CD8B2: variants seen among roughly 807,000 people sequenced by gnomAD.
CD8B2 encodes the protein T-cell surface glycoprotein CD8 beta-2 chain.
CD8B2 carries 11 observed loss-of-function variants against 23.7 expected under a neutral mutation model. The observed-to-expected ratio is 0.46, with a 90% confidence interval of 0.29 to 0.77. The LOEUF is 0.77. Ranked by LOEUF, CD8B2 falls within the 30% of genes least tolerant of loss-of-function variation. The pLI, the probability that CD8B2 is intolerant of heterozygous loss-of-function variation, is 0.09. For missense variants in CD8B2, 197 were observed against 270.5 expected, an observed-to-expected ratio of 0.73 and a Z score of 1.91; for synonymous variants, 90 against 109.3, an observed-to-expected ratio of 0.82 and a Z score of 1.10.
chr2:106,525,540 T>A (rs78995851), intron 5 of CD8B2, among the ~76,000 whole-genome samples: 3,160 of 152,318 alleles, frequency 0.021, 86 homozygotes, highest in African/African-American at 0.071. Context: ...AGTGATAGAC[T>A]GTGCAGCCAT....
At chr2:106,513,623 C>A (rs1227167201), downstream of CD8B2, among the ~76,000 whole-genome samples, 3 of 151,396 alleles carry the variant, frequency 2.0e-5, no homozygotes, top group Non-Finnish European at 4.4e-5. Flanking sequence ...CCCCAGCACC[C>A]CTTCAGCATC....
At chr2:106,519,189 T>C (rs1679780057) in intron 5 of CD8B2, among the ~76,000 whole-genome samples, 1 of 152,232 alleles carries the variant, frequency 6.6e-6, no homozygotes, top group Non-Finnish European at 1.5e-5. Flanking sequence ...TGTGACCTGA[T>C]TGCTGGACTC....
intron 5 of CD8B2, among the ~76,000 whole-genome samples, chr2:106,505,489 G>T (rs1300792306): frequency 6.6e-6 from 1 of 152,120 alleles, no homozygotes; most frequent in African/African-American, 2.4e-5. Context: ...GCTCACTGGG[G>T]TATTATCCTT....
intron 3 of CD8B2, among the ~76,000 whole-genome samples, chr2:106,496,564 C>T (rs1679304221): frequency 6.6e-6 from 1 of 152,216 alleles, no homozygotes; most frequent in Non-Finnish European, 1.5e-5. Context: ...CCCAAACATC[C>T]ACCAGCTAAT....
chr2:106,531,083 CT>C (rs1165756584), intron 5 of CD8B2, among the ~76,000 whole-genome samples: 4 of 152,214 alleles, frequency 2.6e-5, no homozygotes, highest in African/African-American at 9.6e-5. Context: ...CTTTACCCTA[CT>C]GACTCACCCT....
At chr2:106,495,474 G>T (rs1489489643) in intron 2 of CD8B2, among the ~76,000 whole-genome samples, 2 of 152,174 alleles carry the variant, frequency 1.3e-5, no homozygotes, top group African/African-American at 4.8e-5. Flanking sequence ...GGGAGGCAAA[G>T]GTTGCAGTGA....
intron 5 of CD8B2, among the ~76,000 whole-genome samples, chr2:106,523,801 C>G (rs769262942): frequency 1.3e-5 from 2 of 152,102 alleles, no homozygotes; most frequent in African/African-American, 4.8e-5. Context: ...CAGGAAGAGA[C>G]GTAGCTGCAA....
chr2:106,491,737 C>T (rs1388874743), intron 2 of CD8B2, among the ~76,000 whole-genome samples: 1 of 151,910 alleles, frequency 6.6e-6, no homozygotes, highest in Non-Finnish European at 1.5e-5. Flanking sequence ...TTAGTGGAGA[C>T]GAGATTTCAC....
At chr2:106,488,322 G>A (rs1193978259) in intron 1 of CD8B2, among the ~76,000 whole-genome samples, 2 of 151,288 alleles carry the variant, frequency 1.3e-5, no homozygotes, top group Non-Finnish European at 1.5e-5. Flanking sequence ...CTCTGAGAAT[G>A]GAATTCCTGG....
At chr2:106,502,870 T>C (rs1330238220) in intron 4 of CD8B2, among the ~76,000 whole-genome samples, 1 of 151,298 alleles carries the variant, frequency 6.6e-6, no homozygotes, top group Non-Finnish European at 1.5e-5. Flanking sequence ...CCTCCCAGAG[T>C]TGCTGTTTGT....
chr2:106,531,569 G>C (rs565196762), intron 5 of CD8B2, among the ~76,000 whole-genome samples: 157 of 152,270 alleles, frequency 1.0e-3, no homozygotes, highest in African/African-American at 3.5e-3. Context: ...TGCAGGCTGA[G>C]TCCCTAGGGC....
rs939450099 is a variant in CD8B2, at chr2:106,510,573, T to G, written c.*3633T>G. The G allele has an allele frequency of 1.3e-5, 2 of 151,908 alleles. No homozygotes were observed. Among genetic ancestry groups the G allele is most frequent in the East Asian group, 1.9e-4 (1 of 5,164 alleles). 9.4% of individuals were successfully genotyped at this position (151,908 alleles called of 1,614,324 possible). ...GCAAGACCTCGACTCTACAAAAAAT[T>G]TTTAAATTTTTTTCTGGGCATGGTG... On this transcript the variant is annotated 3_prime_UTR_variant, in exon 6 of 6. Transcript: ENST00000643224.
rs1679525035 is a variant in CD8B2 at position 106,507,123 on chromosome 2, G to C, written c.*183G>C. 5 of 1,474,060 alleles carry C rather than the reference G, an allele frequency of 3.4e-6. No individual in the cohort carries two copies. In the East Asian group the frequency reaches 7.2e-5, roughly 21 times the overall value. 91.3% of individuals were successfully genotyped at this position (1,474,060 alleles called of 1,614,324 possible). A position where few individuals can be genotyped will look rare whatever the true frequency, so the allele number is the denominator to read the frequency against. On this transcript the variant is annotated 3_prime_UTR_variant, in exon 6 of 6. Coordinates refer to ENST00000643224, the MANE Select transcript of CD8B2 (RefSeq NM_001349727.2). Reference sequence around the variant, plus strand: ...CGTGCATGGGAGCAACTTGTTTGTGGGTCATCGGGAATACTAGGGAGAAGG... The same window carrying C: ...CGTGCATGGGAGCAACTTGTTTGTGCGTCATCGGGAATACTAGGGAGAAGG...
rs1679456158 is a variant in CD8B2 at position 106,503,716 on chromosome 2, T to A, written c.584-573T>A. 2.6e-5 allele frequency among the ~76,000 whole-genome samples: 3 copies of A among 117,516 alleles called. No homozygotes were observed. In the Admixed American group the frequency reaches 2.7e-4, roughly 11 times the overall value. The allele number at this position is 117,516 out of a possible 152,430, so 77.1% of individuals were successfully genotyped here. A position where few individuals can be genotyped will look rare whatever the true frequency, so the allele number is the denominator to read the frequency against. On this transcript the variant is annotated intron_variant, in intron 4 of 5. Coordinates refer to ENST00000643224, the MANE Select transcript of CD8B2 (RefSeq NM_001349727.2). ...TGAGAGGCTGAGGAGGGAGGATCAC[T>A]TGAGCCCAGGAGTTCAAGTCTAGCC...
In CD8B2 at chr2:106,508,497, A is replaced by G. The variant is rs1464446689; in HGVS notation, c.*1557A>G. On this transcript the variant is annotated 3_prime_UTR_variant, in exon 6 of 6. Coordinates refer to ENST00000643224, the MANE Select transcript of CD8B2 (RefSeq NM_001349727.2). ...GGAGGGCCTTGAGTGTAAGTTGTCC[A>G]GGTCCTTGGCATTTTGAACAAAGAA... 2 of 152,136 alleles carry G rather than the reference A, an allele frequency of 1.3e-5. No individual in the cohort carries two copies. The highest frequency in any genetic ancestry group is 2.4e-5 in the African/African-American group (1 of 41,416). The allele number at this position is 152,136 out of a possible 1,614,324, so 9.4% of individuals were successfully genotyped here. A position where few individuals can be genotyped will look rare whatever the true frequency, so the allele number is the denominator to read the frequency against.
chr2:106,494,305 G>A (rs1281760668), intron 2 of CD8B2, among the ~76,000 whole-genome samples: 2 of 151,864 alleles, frequency 1.3e-5, no homozygotes, highest in African/African-American at 2.4e-5. Context: ...GTGCCACCAC[G>A]CCCAACTAAT....
intron 2 of CD8B2, among the ~76,000 whole-genome samples, chr2:106,495,878 A>G (rs566710078): frequency 5.4e-4 from 82 of 152,242 alleles, no homozygotes; most frequent in Non-Finnish European, 7.9e-4. Context: ...GGCTCACTTC[A>G]GCCTTGACTT....
In CD8B2 at chr2:106,507,422, G is replaced by C; in HGVS notation, c.*482G>C. ...GAGGCCAGGTGCAGGTTGGGAATGA[G>C]GCTTGCTGAGAGGGGCTGTCCAGTT... On this transcript the variant is annotated 3_prime_UTR_variant, in exon 6 of 6. Coordinates refer to ENST00000643224, the MANE Select transcript of CD8B2 (RefSeq NM_001349727.2). 1.0e-6 allele frequency: 1 copy of C among 985,974 alleles called. No homozygotes were observed. The highest frequency in any genetic ancestry group is 1.2e-6 in the Non-Finnish European group (1 of 830,356). 61.1% of individuals were successfully genotyped at this position (985,974 alleles called of 1,614,324 possible).
intron 5 of CD8B2, among the ~76,000 whole-genome samples, chr2:106,530,630 C>G (rs927224808): frequency 6.6e-6 from 1 of 152,174 alleles, no homozygotes; most frequent in Non-Finnish European, 1.5e-5. Context: ...CCACCCAGCT[C>G]GGCCTCCCAA....
Sources: gnomAD v4.1 joint callset for allele counts (sites outside exome capture counted in the v4.1 genomes callset) on GRCh38, gnomAD v4.1.1 for gene constraint, MANE v1.5 for transcripts, NCBI Gene and HGNC (gene_info 2026-07-23, HGNC 2026-07-21) for gene names.